The following FZR1 variants were observed in gnomAD, a reference collection of about 807,000 sequenced individuals.
FZR1 encodes the protein fizzy and cell division cycle 20 related 1.
FZR1 carries 11 observed loss-of-function variants against 63.6 expected under a neutral mutation model. The ratio of observed to expected loss-of-function variants is 0.17; its 90% CI spans 0.11 to 0.29. FZR1 has a LOEUF of 0.29. Ranked by LOEUF, FZR1 falls within the 10% of genes least tolerant of loss-of-function variation. The pLI, the probability that FZR1 is intolerant of heterozygous loss-of-function variation, is 1.00. For missense variants in FZR1, 440 were observed against 687.5 expected (o/e 0.64, Z 4.03); for synonymous variants, 328 against 297.9 (o/e 1.10, Z -1.04).
chr19:3,537,215 G>C lies in FZR1; in HGVS notation c.*2379G>C, dbSNP rs1037366446. ...GTTCCCCATGGCCCAGGACAGCTGA[G>C]AGGAGGTGGAGGGGCCCCAGGGGAG... On this transcript the variant is annotated 3_prime_UTR_variant, in exon 14 of 14. Coordinates refer to ENST00000441788, the MANE Select transcript of FZR1 (RefSeq NM_016263.4). 2.6e-5 allele frequency: 4 copies of C among 152,436 alleles called. No individual in the cohort carries two copies. The highest frequency in any genetic ancestry group is 5.9e-5 in the Non-Finnish European group (4 of 68,146). 9.4% of individuals were successfully genotyped at this position (152,436 alleles called of 1,614,324 possible). A position where few individuals can be genotyped will look rare whatever the true frequency, so the allele number is the denominator to read the frequency against.
chr19:3,529,827 A>G (rs1281487401), intron 7 of FZR1, among the ~76,000 whole-genome samples: 1 of 93,224 alleles, frequency 1.1e-5, no homozygotes, highest in Non-Finnish European at 1.9e-5. Context: ...TGGATGGGTG[A>G]GCGGATGGGT....
chr19:3,507,375 A>C (rs1599768254), intron 1 of FZR1, among the ~76,000 whole-genome samples: 10 of 138,432 alleles, frequency 7.2e-5, no homozygotes, highest in African/African-American at 1.1e-4. Flanking sequence ...AACCTGTGAC[A>C]CCCCCTCCCC....
chr19:3,531,678 C>T, intron 8 of FZR1, 36 bp from the exon 9 acceptor site: 2 of 1,453,244 alleles, frequency 1.4e-6, no homozygotes, highest in Non-Finnish European at 1.9e-6. Flanking sequence ...CGGGCCAGAC[C>T]TGACACCGGT....
rs2083263758 is a variant in FZR1 at position 3,533,041 on chromosome 19, A to G, written c.1243-253A>G. 6.6e-6 allele frequency among the ~76,000 whole-genome samples: 1 copy of G among 151,710 alleles called. No individual in the cohort carries two copies. Among genetic ancestry groups the G allele is most frequent in the Non-Finnish European group, 1.5e-5 (1 of 67,892 alleles). On this transcript the variant is annotated intron_variant, in intron 11 of 13. Coordinates refer to ENST00000441788, the MANE Select transcript of FZR1 (RefSeq NM_016263.4). This position sits in a 1 kb window ranked among gnomAD's most constrained non-coding sequence, Gnocchi z 4.9. The stretch of plus-strand genomic sequence containing the variant: ...CGGGGGTGACTTGCAGGTGGGGCAG[A>G]GGGGCTGTGGGCCCCGTTTGGGTCC...
intron 1 of FZR1, among the ~76,000 whole-genome samples, chr19:3,510,744 T>C (rs989779269): frequency 1.3e-5 from 2 of 152,152 alleles, no homozygotes; most frequent in East Asian, 3.8e-4. Context: ...CCCTCATCCA[T>C]GCATTCCCCA....
Position 3,525,434 on chromosome 19 carries a change from T to TTTTTC in FZR1, c.70-430_70-429insCTTTT, listed in dbSNP as rs1232478084. Among the ~76,000 whole-genome samples, 1,782 of 116,544 alleles carry TTTTTC rather than the reference T, an allele frequency of 0.015. 112 individuals carry two copies. The highest frequency in any genetic ancestry group is 0.068 in the African/African-American group (1,654 of 24,198). 76.5% of individuals were successfully genotyped at this position (116,544 alleles called of 152,430 possible). A position where few individuals can be genotyped will look rare whatever the true frequency, so the allele number is the denominator to read the frequency against. On this transcript the variant is annotated intron_variant, in intron 2 of 13. Transcript: ENST00000441788. The surrounding 1 kb of genome is among the most constrained non-coding windows in gnomAD (Gnocchi z 4.2). ...TGTGGCTCCCCTCCTTGGGTTTTCT[T>TTTTTC]TTTTTTTTTTTTTTTTTTTTTTTTT...
At chr19:3,528,660 A>C (rs922720479) in intron 7 of FZR1, among the ~76,000 whole-genome samples, 1 of 149,484 alleles carries the variant, frequency 6.7e-6, no homozygotes, top group Non-Finnish European at 1.5e-5. Flanking sequence ...AGTGGATGGG[A>C]GAATGGATGA....
chr19:3,515,085 GC>G lies in FZR1; in HGVS notation c.-34-7870del, dbSNP rs780951612. 7.9e-5 allele frequency among the ~76,000 whole-genome samples: 12 copies of G among 152,194 alleles called. No homozygotes were observed. Among genetic ancestry groups the G allele is most frequent in the Non-Finnish European group, 1.3e-4 (9 of 68,022 alleles). ...CCACCCAGACCAGGGCAACCAAGCT[GC>G]AGGTGTCGGCCACACAGGCAGAGCC... On this transcript the variant is annotated intron_variant, in intron 1 of 13. Coordinates refer to ENST00000441788, the MANE Select transcript of FZR1 (RefSeq NM_016263.4). The surrounding 1 kb of genome is among the most constrained non-coding windows in gnomAD (Gnocchi z 4.6).
At chr19:3,518,398 A>T (rs1178643794) in intron 1 of FZR1, among the ~76,000 whole-genome samples, 1 of 152,142 alleles carries the variant, frequency 6.6e-6, no homozygotes, top group South Asian at 2.1e-4. Context: ...TTGCATTACA[A>T]AGTTTTTCCA....
Position 3,529,166 on chromosome 19 carries a change from TTGGGA to T in FZR1, c.654+1353_654+1357del, listed in dbSNP as rs2083201096. Among the ~76,000 whole-genome samples, 39 of 25,586 alleles carry T rather than the reference TTGGGA, an allele frequency of 1.5e-3. 1 individual carries two copies. Among genetic ancestry groups the T allele is most frequent in the African/African-American group, 6.1e-3 (34 of 5,602 alleles). 16.8% of individuals were successfully genotyped at this position (25,586 alleles called of 152,430 possible). Reference sequence around the variant, plus strand: ...GATGGGAGAGCGGATGGGAGAGCGGTTGGGAGAGCGGTTGGGAGAGCGGATGGGAG... The same window carrying T: ...GATGGGAGAGCGGATGGGAGAGCGGTGAGCGGTTGGGAGAGCGGATGGGAG... On this transcript the variant is annotated intron_variant, in intron 7 of 13. Coordinates refer to ENST00000441788, the MANE Select transcript of FZR1 (RefSeq NM_016263.4).
intron 7 of FZR1, among the ~76,000 whole-genome samples, chr19:3,529,990 TTGAG>T (rs1292630732): frequency 1.4e-5 from 1 of 70,502 alleles, no homozygotes; most frequent in Admixed American, 1.5e-4. Flanking sequence ...GAGTGGATGG[TTGAG>T]TGGATGGGAG....
chr19:3,533,904 G>A lies in FZR1; in HGVS notation c.1347+506G>A, dbSNP rs959867209. On this transcript the variant is annotated intron_variant, in intron 12 of 13. Transcript: ENST00000441788. This position sits in a 1 kb window ranked among gnomAD's most constrained non-coding sequence, Gnocchi z 4.9. ...AGTTGATGAGCCCCTCTTGCAAGGG[G>A]GCGTCCTTTGTGTTTTTGCAAAAAT... Among the ~76,000 whole-genome samples the A allele has an allele frequency of 6.6e-6, 1 of 152,192 alleles. No homozygotes were observed. Among genetic ancestry groups the A allele is most frequent in the Non-Finnish European group, 1.5e-5 (1 of 68,048 alleles).
At position 3,526,957 on chromosome 19, in the gene FZR1, C is replaced by T. The variant is rs2083165480; in HGVS notation, c.388-23C>T. The T allele has an allele frequency of 1.3e-6, 2 of 1,582,112 alleles. No individual in the cohort carries two copies. The stretch of plus-strand genomic sequence containing the variant: ...TCCTGCGGCCTGGGCGTGCGCTCAG[C>T]TGGCATGTCCCCCGCTCCACAGTAT... On this transcript the variant is annotated intron_variant, in intron 5 of 13. Transcript: ENST00000441788. This position sits in a 1 kb window ranked among gnomAD's most constrained non-coding sequence, Gnocchi z 5.4.
chr19:3,520,597 C>A (rs996198054), intron 1 of FZR1, among the ~76,000 whole-genome samples: 1 of 152,240 alleles, frequency 6.6e-6, no homozygotes. Context: ...TGCTCTTGTC[C>A]CTCAGAGCCT....
chr19:3,523,992 G>A (rs1448071238), intron 2 of FZR1, among the ~76,000 whole-genome samples: 2 of 152,232 alleles, frequency 1.3e-5, no homozygotes, highest in Admixed American at 6.5e-5. Flanking sequence ...ATCCAGGATC[G>A]TGCGTGATGT....
intron 7 of FZR1, among the ~76,000 whole-genome samples, chr19:3,530,297 G>GGAGAGCGGAGGA (rs1316323284): frequency 1.5e-5 from 2 of 132,976 alleles, no homozygotes; most frequent in African/African-American, 3.0e-5. Context: ...AGAGCGCAGG[G>GGAGAGCGGAGGA]GAGAGCGGAG....
intron 1 of FZR1, among the ~76,000 whole-genome samples, chr19:3,511,500 T>G (rs1252689241): frequency 2.0e-5 from 3 of 152,172 alleles, no homozygotes; most frequent in African/African-American, 7.2e-5. Context: ...CCCAGGAGTT[T>G]GAAACCAGCC....
chr19:3,526,983 T>A lies in FZR1; in HGVS notation c.391T>A (p.Ser131Thr). 6.2e-7 allele frequency: 1 copy of A among 1,610,308 alleles called. No individual in the cohort carries two copies. Among genetic ancestry groups the A allele is most frequent in the South Asian group, 1.1e-5 (1 of 91,062 alleles). Residue 131 changes from serine (S) to threonine (T), a missense_variant, in exon 6 of 14, where the codon TCC (serine) becomes ACC (threonine). Around this residue, in one of 5 missense-constraint regions of FZR1, gnomAD observed 200 missense variants for 245.1 expected, o/e 0.82. Coordinates refer to ENST00000441788, the MANE Select transcript of FZR1 (RefSeq NM_016263.4). This position sits in a 1 kb window ranked among gnomAD's most constrained non-coding sequence, Gnocchi z 5.4. ...TPEKKGLFTY[S>T]LSTKRSSPDD... Reference sequence around the variant, plus strand: ...TGGCATGTCCCCCGCTCCACAGTATTCCCTTAGCACCAAGCGCTCCAGCCC... The same window carrying A: ...TGGCATGTCCCCCGCTCCACAGTATACCCTTAGCACCAAGCGCTCCAGCCC...
intron 7 of FZR1, among the ~76,000 whole-genome samples, chr19:3,529,178 T>TTGGGAGAGCGGA (rs1568237528): frequency 4.5e-5 from 1 of 22,146 alleles, no homozygotes; most frequent in Non-Finnish European, 8.9e-5. Flanking sequence ...GGGAGAGCGG[T>TTGGGAGAGCGGA]TGGGAGAGCG....
Sources: allele counts gnomAD v4.1 joint callset (sites outside exome capture counted in the v4.1 genomes callset), GRCh38; gene constraint gnomAD v4.1.1; regional missense constraint gnomAD v4.1.1; non-coding constraint Gnocchi (gnomAD v3.1); transcripts MANE v1.5; gene names NCBI Gene and HGNC (gene_info 2026-07-23, HGNC 2026-07-21).